Variants in GPSM2 observed in about 807,000 individuals in gnomAD.
GPSM2 encodes the protein G protein-signaling modulator 2.
In GPSM2, 58 loss-of-function variants were observed where a neutral mutation model predicts 78.4. That is an observed-to-expected ratio of 0.74 (90% CI 0.60 to 0.92). The LOEUF (loss-of-function observed/expected upper bound fraction) is 0.92. GPSM2 is among the 40% of genes least tolerant of loss of function. The pLI is 0.00. For missense variants in GPSM2, 700 were observed against 815.5 expected (o/e 0.86, Z 1.73); for synonymous variants, 224 against 280.2 (o/e 0.80, Z 2.00).
chr1:108,896,200 A>G (rs776607327), intron 2 of GPSM2, among the ~76,000 whole-genome samples: 4 of 152,170 alleles, frequency 2.6e-5, no homozygotes, highest in Non-Finnish European at 5.9e-5. Flanking sequence ...GACTTTCAAA[A>G]TTAGTATTTC....
intron 2 of GPSM2, among the ~76,000 whole-genome samples, chr1:108,886,926 G>A (rs1311305486): frequency 4.6e-5 from 7 of 150,854 alleles, no homozygotes; most frequent in Non-Finnish European, 7.4e-5. Context: ...TCACTCTGAC[G>A]CCCAGGCTGG....
chr1:108,928,959 T>C (rs1298017091), intron 14 of GPSM2, among the ~76,000 whole-genome samples: 1 of 146,390 alleles, frequency 6.8e-6, no homozygotes, highest in Admixed American at 7.0e-5. Context: ...ACTGCAGTCC[T>C]GCCTGGATGA....
intron 12 of GPSM2, among the ~76,000 whole-genome samples, chr1:108,920,623 A>C (rs1437212387): frequency 6.6e-6 from 1 of 151,808 alleles, no homozygotes; most frequent in Non-Finnish European, 1.5e-5. Flanking sequence ...CTTTCCCCCC[A>C]GTCTGTGGTA....
chr1:108,890,501 A>G (rs1003713130), intron 2 of GPSM2, among the ~76,000 whole-genome samples: 6 of 152,196 alleles, frequency 3.9e-5, no homozygotes, highest in Non-Finnish European at 7.4e-5. Flanking sequence ...AAACTTAAAA[A>G]TCTGTACTGT....
intron 2 of GPSM2, among the ~76,000 whole-genome samples, chr1:108,895,745 CAA>C (rs939376048): frequency 2.0e-5 from 3 of 152,110 alleles, no homozygotes; most frequent in Non-Finnish European, 4.4e-5. Context: ...TGTATAGTAA[CAA>C]GAGGAATAAA....
intron 1 of GPSM2, among the ~76,000 whole-genome samples, chr1:108,878,988 G>A (rs938925306): frequency 6.6e-6 from 1 of 152,198 alleles, no homozygotes; most frequent in Non-Finnish European, 1.5e-5. Flanking sequence ...TGTGTCTCTG[G>A]ATTCCATTTG....
At chr1:108,899,192 T>C (rs1430980828) in intron 7 of GPSM2, among the ~76,000 whole-genome samples, 198 bp downstream of exon 7, 1 of 152,210 alleles carries the variant, frequency 6.6e-6, no homozygotes, top group African/African-American at 2.4e-5. Flanking sequence ...AAACACAGTA[T>C]CTGGTACACA....
rs770361895 is a variant in GPSM2, at chr1:108,898,003, T to C, written c.459T>C (p.His153=). Residue 153 remains histidine, a synonymous_variant, in exon 5 of 15, where the codon CAT becomes CAC. Coordinates refer to ENST00000264126, the MANE Select transcript of GPSM2 (RefSeq NM_013296.5). ...TTTACAATCTTGGGAATGTGTATCA[T>C]GCCAAAGGGAAAAGTTTTGGTTGCC... ...RALYNLGNVY[H]AKGKSFGCPG... 8.7e-6 allele frequency: 14 copies of C among 1,613,890 alleles called. No homozygotes were observed. The highest frequency in any genetic ancestry group is 5.0e-5 in the Admixed American group (3 of 60,004).
rs187754827 is a variant in GPSM2, at chr1:108,903,330, G to A, written c.1062+96G>A. 307 of 711,448 alleles carry A rather than the reference G, an allele frequency of 4.3e-4. 1 individual carries two copies. In the East Asian group the frequency reaches 8.2e-3, roughly 19 times the overall value. 44.1% of individuals were successfully genotyped at this position (711,448 alleles called of 1,614,324 possible). A position where few individuals can be genotyped will look rare whatever the true frequency, so the allele number is the denominator to read the frequency against. On this transcript the variant is annotated intron_variant, in intron 9 of 14. Transcript: ENST00000264126. Reference sequence around the variant, plus strand: ...ATTTCTCTAGATTGATCATGTGGCTGAATAATAAATTTGATTATATATCAT... The same window carrying A: ...ATTTCTCTAGATTGATCATGTGGCTAAATAATAAATTTGATTATATATCAT...
chr1:108,928,869 A>G (rs1651396452), intron 14 of GPSM2, among the ~76,000 whole-genome samples: 1 of 151,880 alleles, frequency 6.6e-6, no homozygotes, highest in Non-Finnish European at 1.5e-5. Context: ...GCATGCCTAT[A>G]GTCTCAGCTA....
intron 2 of GPSM2, among the ~76,000 whole-genome samples, chr1:108,894,693 G>A (rs1048913677): frequency 6.6e-5 from 10 of 151,266 alleles, no homozygotes; most frequent in Non-Finnish European, 1.3e-4. Flanking sequence ...GAGAGACTGT[G>A]TCTCAAAAAA....
chr1:108,896,937 G>T lies in GPSM2; in HGVS notation c.130G>T (p.Val44Leu). 6.2e-7 allele frequency: 1 copy of T among 1,614,150 alleles called. No individual in the cohort carries two copies. The highest frequency in any genetic ancestry group is 8.5e-7 in the Non-Finnish European group (1 of 1,180,006). ...LCKSGDCRAG[V>L]SFFEAAVQVG... ...TAAATCAGGAGACTGCCGCGCTGGCGTGTCATTCTTTGAAGCTGCAGTTCA... is the reference window on the plus strand; with the variant it reads ...TAAATCAGGAGACTGCCGCGCTGGCTTGTCATTCTTTGAAGCTGCAGTTCA... The change falls in exon 3 of 15, where the codon GTG becomes TTG. Residue 44 changes from valine to leucine, a missense_variant. Coordinates refer to ENST00000264126, the MANE Select transcript of GPSM2 (RefSeq NM_013296.5).
chr1:108,894,138 T>C (rs1392633160), intron 2 of GPSM2, among the ~76,000 whole-genome samples: 1 of 152,226 alleles, frequency 6.6e-6, no homozygotes, highest in Non-Finnish European at 1.5e-5. Flanking sequence ...CTTAAACAGA[T>C]ATACTCAATT....
At chr1:108,893,599 G>T (rs930446044) in intron 2 of GPSM2, among the ~76,000 whole-genome samples, 3 of 152,024 alleles carry the variant, frequency 2.0e-5, no homozygotes, top group African/African-American at 7.2e-5. Flanking sequence ...AATTTAGAAT[G>T]CTTAAATTAA....
intron 7 of GPSM2, 50 bp from the exon 8 acceptor site, chr1:108,901,740 A>C: frequency 7.0e-7 from 1 of 1,422,846 alleles, no homozygotes; most frequent in Non-Finnish European, 9.9e-7. Flanking sequence ...GTGATTCTTA[A>C]AGCCCAAACT....
chr1:108,924,458 G>A, intron 14 of GPSM2: 1 of 543,840 alleles, frequency 1.8e-6, no homozygotes, highest in African/African-American at 1.9e-5. Flanking sequence ...TATATATATA[G>A]AGAGAGAGTA....
chr1:108,928,580 T>TATCA, intron 14 of GPSM2, among the ~76,000 whole-genome samples: 1 of 152,346 alleles, frequency 6.6e-6, no homozygotes, highest in East Asian at 1.9e-4. Context: ...AAATATCAGC[T>TATCA]ATCACACTTC....
At chr1:108,915,101 G>A (rs903356863) in intron 11 of GPSM2, among the ~76,000 whole-genome samples, 2 of 152,116 alleles carry the variant, frequency 1.3e-5, no homozygotes, top group South Asian at 2.1e-4. Flanking sequence ...GGCCGGGCAC[G>A]GTGGCTCGCG....
intron 5 of GPSM2, 107 bp from the exon 6 acceptor site, chr1:108,898,535 G>C (rs1441791503): frequency 9.9e-7 from 1 of 1,005,802 alleles, no homozygotes; most frequent in East Asian, 2.5e-5. Context: ...CATTATGGCT[G>C]TAAGCTTCCC....
Sources: allele counts gnomAD v4.1 joint callset (sites outside exome capture counted in the v4.1 genomes callset), GRCh38; gene constraint gnomAD v4.1.1; transcripts MANE v1.5; gene names NCBI Gene and HGNC (gene_info 2026-07-23, HGNC 2026-07-21).